GREM2: variants seen among roughly 807,000 people sequenced by gnomAD.
The protein encoded by GREM2 is gremlin-2.
Under a neutral mutation model 14.2 loss-of-function variants are expected in GREM2, and 11 were observed. The ratio of observed to expected loss-of-function variants is 0.78; its 90% CI spans 0.49 to 1.28. The LOEUF is 1.28. Ranked by LOEUF, GREM2 falls within the 50% of genes most tolerant of loss-of-function variation. GREM2 has a pLI of 0.00. For missense variants in GREM2, 210 were observed against 218.5 expected, an observed-to-expected ratio of 0.96 and a Z score of 0.24; for synonymous variants, 98 against 97.6, an observed-to-expected ratio of 1.00 and a Z score of -0.02.
chr1:240,561,449 A>T (rs1305771664), intron 1 of GREM2, among the ~76,000 whole-genome samples: 1 of 152,162 alleles, frequency 6.6e-6, no homozygotes. Flanking sequence ...TTATTTGCCC[A>T]ACCTAACAGT....
chr1:240,519,116 A>C (rs1678017697), intron 1 of GREM2, among the ~76,000 whole-genome samples: 2 of 152,130 alleles, frequency 1.3e-5, no homozygotes, highest in Admixed American at 6.6e-5. Flanking sequence ...GTGAAGAAAC[A>C]CTCCTCAAGT....
At chr1:240,603,126 T>C (rs759364131) in intron 1 of GREM2, among the ~76,000 whole-genome samples, 3 of 151,992 alleles carry the variant, frequency 2.0e-5, no homozygotes, top group Admixed American at 6.6e-5. Flanking sequence ...GTGAATGCGG[T>C]GCGGTGCGGA....
chr1:240,552,579 C>T (rs987015520), intron 1 of GREM2, among the ~76,000 whole-genome samples: 1 of 152,166 alleles, frequency 6.6e-6, no homozygotes, highest in Non-Finnish European at 1.5e-5. Context: ...GAGCAAGACC[C>T]TATCTCTAAA....
intron 1 of GREM2, among the ~76,000 whole-genome samples, chr1:240,555,342 G>A (rs940310292): frequency 2.0e-5 from 3 of 152,200 alleles, no homozygotes; most frequent in Admixed American, 2.0e-4. Flanking sequence ...CTGGATTGCT[G>A]TGAGGGTTGA....
At chr1:240,597,870 C>A (rs1314038796) in intron 1 of GREM2, among the ~76,000 whole-genome samples, 1 of 152,146 alleles carries the variant, frequency 6.6e-6, no homozygotes, top group Non-Finnish European at 1.5e-5. Context: ...TAAGCAACTA[C>A]CCTCTGCCAG....
intron 1 of GREM2, among the ~76,000 whole-genome samples, chr1:240,609,937 T>A (rs777717080): frequency 5.9e-5 from 9 of 152,004 alleles, no homozygotes; most frequent in Non-Finnish European, 1.3e-4. Flanking sequence ...CTAAGATTCA[T>A]AGAGAATGAA....
chr1:240,606,570 A>C (rs1360777090), intron 1 of GREM2, among the ~76,000 whole-genome samples: 2 of 152,130 alleles, frequency 1.3e-5, no homozygotes, highest in Non-Finnish European at 2.9e-5. Context: ...ATTATGCCCT[A>C]TAATCTTGAA....
intron 1 of GREM2, among the ~76,000 whole-genome samples, chr1:240,609,709 A>G (rs1680096709): frequency 6.6e-6 from 1 of 152,110 alleles, no homozygotes; most frequent in Non-Finnish European, 1.5e-5. Flanking sequence ...AAGTGGCTGA[A>G]CTAATCTGTT....
intron 1 of GREM2, among the ~76,000 whole-genome samples, chr1:240,498,060 A>C (rs1677471905): frequency 6.6e-6 from 1 of 152,194 alleles, no homozygotes; most frequent in Non-Finnish European, 1.5e-5. Flanking sequence ...GCTTTCCTTC[A>C]ACAGGTCCTA....
At chr1:240,611,192 A>C (rs1163055638) in intron 1 of GREM2, among the ~76,000 whole-genome samples, 3 of 152,180 alleles carry the variant, frequency 2.0e-5, no homozygotes, top group Non-Finnish European at 4.4e-5. Context: ...TGACTTTTTA[A>C]TGTAGTAATA....
At chr1:240,580,320 CTG>C (rs1222915136) in intron 1 of GREM2, among the ~76,000 whole-genome samples, 2 of 152,246 alleles carry the variant, frequency 1.3e-5, no homozygotes, top group East Asian at 3.9e-4. Context: ...ACATGAATAA[CTG>C]TTAGGTTTCT....
At chr1:240,544,151 C>CTTT (rs61269911) in intron 1 of GREM2, among the ~76,000 whole-genome samples, 6,256 of 137,378 alleles carry the variant, frequency 0.046, 521 homozygotes, top group African/African-American at 0.16. Flanking sequence ...AGCACTAGGC[C>CTTT]TTTTTTTTTT....
intron 1 of GREM2, among the ~76,000 whole-genome samples, chr1:240,521,705 G>A (rs930616518): frequency 3.3e-5 from 5 of 152,080 alleles, no homozygotes; most frequent in South Asian, 4.1e-4. Flanking sequence ...GCCTGGGGTC[G>A]CCCATATTGT....
intron 1 of GREM2, among the ~76,000 whole-genome samples, chr1:240,534,585 C>T (rs565439133): frequency 3.2e-4 from 48 of 151,238 alleles, no homozygotes; most frequent in Non-Finnish European, 3.7e-4. Flanking sequence ...CCAGCTACTC[C>T]GGGAGGCTGA....
intron 1 of GREM2, among the ~76,000 whole-genome samples, chr1:240,533,863 C>T (rs901330357): frequency 9.8e-5 from 15 of 152,294 alleles, no homozygotes; most frequent in African/African-American, 1.7e-4. Flanking sequence ...ACGATTGTGA[C>T]GAGAGCCTCA....
chr1:240,506,552 A>G (rs995653646), intron 1 of GREM2, among the ~76,000 whole-genome samples: 3 of 152,214 alleles, frequency 2.0e-5, no homozygotes, highest in African/African-American at 7.2e-5. Context: ...CAGGAGACTT[A>G]AAACATGCCA....
At chr1:240,553,905 A>G (rs1203632629) in intron 1 of GREM2, among the ~76,000 whole-genome samples, 1 of 152,144 alleles carries the variant, frequency 6.6e-6, no homozygotes, top group Non-Finnish European at 1.5e-5. Context: ...AGTAAATCCT[A>G]GGTATGTATG....
intron 1 of GREM2, among the ~76,000 whole-genome samples, chr1:240,548,143 T>C (rs978976789): frequency 1.3e-5 from 2 of 149,218 alleles, no homozygotes; most frequent in African/African-American, 4.9e-5. Flanking sequence ...GGCGTGGTGG[T>C]ATGTGCCTGT....
chr1:240,555,365 T>C (rs1197990249), intron 1 of GREM2, among the ~76,000 whole-genome samples: 1 of 152,194 alleles, frequency 6.6e-6, no homozygotes, highest in Non-Finnish European at 1.5e-5. Flanking sequence ...ATAGTTAATA[T>C]GCATAAAACA....
Sources: allele counts gnomAD v4.1 joint callset (sites outside exome capture counted in the v4.1 genomes callset), GRCh38; gene constraint gnomAD v4.1.1; transcripts MANE v1.5; gene names NCBI Gene and HGNC (gene_info 2026-07-23, HGNC 2026-07-21).